GRIN2A: variants seen among roughly 807,000 people sequenced by gnomAD.
GRIN2A encodes the protein glutamate ionotropic receptor NMDA type subunit 2A, also known as glutamate receptor ionotropic, NMDA 2A.
Under a neutral mutation model 113.4 loss-of-function variants are expected in GRIN2A, and 22 were observed. The ratio of observed to expected loss-of-function variants is 0.19; its 90% confidence interval spans 0.14 to 0.28. The LOEUF (loss-of-function observed/expected upper bound fraction) is 0.28. Among genes scored for constraint, GRIN2A ranks in the 10% least tolerant of loss-of-function variants. The pLI is 1.00. For synonymous variants in GRIN2A, 827 were observed against 738.4 expected (o/e 1.12, Z -1.94); for missense variants, 1,502 against 1,887.0 (o/e 0.80, Z 3.78).
At chr16:10,023,475 C>A (rs2046762294) in intron 2 of GRIN2A, among the ~76,000 whole-genome samples, 1 of 152,114 alleles carries the variant, frequency 6.6e-6, no homozygotes, top group Non-Finnish European at 1.5e-5. Flanking sequence ...AGTAACCTGG[C>A]ACAAATCTTA....
intron 10 of GRIN2A, among the ~76,000 whole-genome samples, chr16:9,804,893 A>T (rs2041935055): frequency 6.6e-6 from 1 of 152,224 alleles, no homozygotes; most frequent in Non-Finnish European, 1.5e-5. Context: ...AGAGGGGGAA[A>T]TAAGACCTCC....
intron 11 of GRIN2A, among the ~76,000 whole-genome samples, chr16:9,782,648 G>A (rs1902002512): frequency 6.6e-6 from 1 of 152,188 alleles, no homozygotes; most frequent in East Asian, 1.9e-4. Flanking sequence ...TGTCAGGCAT[G>A]GGCCTGGCAT....
chr16:10,138,625 A>G (rs2049253838), intron 2 of GRIN2A, among the ~76,000 whole-genome samples: 1 of 152,070 alleles, frequency 6.6e-6, no homozygotes, highest in African/African-American at 2.4e-5. Flanking sequence ...TTGGGTGGGG[A>G]CGCAGAGCCA....
chr16:10,020,132 G>C (rs1249660094), intron 2 of GRIN2A, among the ~76,000 whole-genome samples: 2 of 152,128 alleles, frequency 1.3e-5, no homozygotes, highest in African/African-American at 4.8e-5. Context: ...TGAAAAGATG[G>C]GCCAGGTGCA....
chr16:10,043,173 AG>A (rs767615891), intron 2 of GRIN2A, among the ~76,000 whole-genome samples: 1 of 152,188 alleles, frequency 6.6e-6, no homozygotes, highest in Non-Finnish European at 1.5e-5. Context: ...TAATCTCTCT[AG>A]TATCCTACAA....
At chr16:10,021,209 C>T (rs2046714389) in intron 2 of GRIN2A, among the ~76,000 whole-genome samples, 1 of 152,194 alleles carries the variant, frequency 6.6e-6, no homozygotes, top group Admixed American at 6.5e-5. Flanking sequence ...AGCTCTAAGG[C>T]AGCCATGAGA....
chr16:9,849,701 C>G, intron 5 of GRIN2A, 55 bp downstream of exon 5: 1 of 1,236,298 alleles, frequency 8.1e-7, no homozygotes, highest in Non-Finnish European at 1.2e-6. Context: ...TATCGATGAT[C>G]CATGCTATTT....
intron 11 of GRIN2A, among the ~76,000 whole-genome samples, chr16:9,777,250 G>T (rs1253563100): frequency 5.3e-5 from 8 of 152,016 alleles, no homozygotes; most frequent in African/African-American, 7.2e-5. Flanking sequence ...CAAAACAAAG[G>T]CCCAATAAAT....
At chr16:10,153,795 G>A (rs2049632939) in intron 2 of GRIN2A, among the ~76,000 whole-genome samples, 1 of 152,182 alleles carries the variant, frequency 6.6e-6, no homozygotes, top group Non-Finnish European at 1.5e-5. Context: ...GAGACGGAAA[G>A]ATCTCCTTAA....
In GRIN2A at chr16:9,982,758, T is replaced by G. The variant is rs114849666; in HGVS notation, c.415-44207A>C. ...TCTGAGTCCCTTTGACCTGTAGTCT[T>G]TGGTAACTGCTTTGCTCATTGCAGT... On this transcript the variant is annotated intron_variant, in intron 2 of 12. Coordinates refer to ENST00000330684, the MANE Select transcript of GRIN2A (RefSeq NM_001134407.3). Among the ~76,000 whole-genome samples the G allele has an allele frequency of 3.7e-3, 562 of 152,334 alleles. 7 individuals are homozygous for G. The highest frequency in any genetic ancestry group is 0.013 in the African/African-American group (521 of 41,572).
At chr16:9,905,599 C>T (rs1337470778) in intron 3 of GRIN2A, among the ~76,000 whole-genome samples, 1 of 152,198 alleles carries the variant, frequency 6.6e-6, no homozygotes. Flanking sequence ...AAAACCTAGG[C>T]TTCCTTCTAT....
In GRIN2A at chr16:9,762,072, A is replaced by G. The variant is rs1172698776; in HGVS notation, c.*1077T>C. The stretch of plus-strand genomic sequence containing the variant: ...TGCTAGCCTTCGGCAGACAGATGGC[A>G]TTGTACTTCTTACAGATCACAGTAC... On this transcript the variant is annotated 3_prime_UTR_variant, in exon 13 of 13. Transcript: ENST00000330684. The G allele has an allele frequency of 4.9e-6, 1 of 204,594 alleles. No individual in the cohort carries two copies. Among genetic ancestry groups the G allele is most frequent in the African/African-American group, 2.3e-5 (1 of 43,732 alleles). 12.7% of individuals were successfully genotyped at this position (204,594 alleles called of 1,614,324 possible). A position where few individuals can be genotyped will look rare whatever the true frequency, so the allele number is the denominator to read the frequency against.
intron 2 of GRIN2A, among the ~76,000 whole-genome samples, chr16:10,152,052 A>G (rs2049590831): frequency 6.6e-6 from 1 of 152,184 alleles, no homozygotes; most frequent in Non-Finnish European, 1.5e-5. Context: ...GTGTGCCTGA[A>G]GGAGCCCATC....
At chr16:9,887,147 A>C (rs148070484) in intron 4 of GRIN2A, among the ~76,000 whole-genome samples, 199 of 152,278 alleles carry the variant, frequency 1.3e-3, no homozygotes, top group African/African-American at 4.6e-3. Flanking sequence ...TTGGCCTCCC[A>C]AAGTGCTAGG....
intron 4 of GRIN2A, among the ~76,000 whole-genome samples, chr16:9,886,832 G>T (rs2043595350): frequency 6.6e-6 from 1 of 152,140 alleles, no homozygotes; most frequent in Non-Finnish European, 1.5e-5. Context: ...AAATATGAAA[G>T]CTCAGTGAAA....
At chr16:9,949,930 G>T (rs907699880) in intron 2 of GRIN2A, among the ~76,000 whole-genome samples, 17 of 152,144 alleles carry the variant, frequency 1.1e-4, no homozygotes, top group Admixed American at 8.5e-4. Context: ...TGAACAGGGG[G>T]TGTGAAATGA....
chr16:10,152,246 A>G (rs1479980783), intron 2 of GRIN2A, among the ~76,000 whole-genome samples: 1 of 152,222 alleles, frequency 6.6e-6, no homozygotes, highest in Non-Finnish European at 1.5e-5. Flanking sequence ...AAAGTTAGGA[A>G]GAGTCAGGGT....
chr16:10,139,272 G>A (rs534948150), intron 2 of GRIN2A, among the ~76,000 whole-genome samples: 1 of 152,264 alleles, frequency 6.6e-6, no homozygotes, highest in Non-Finnish European at 1.5e-5. Context: ...AGTGATGGGA[G>A]GTCAGGGTGA....
At chr16:9,814,761 TG>T (rs924813283) in intron 10 of GRIN2A, among the ~76,000 whole-genome samples, 6 of 152,198 alleles carry the variant, frequency 3.9e-5, no homozygotes, top group African/African-American at 1.4e-4. Flanking sequence ...GGCTCAGGCC[TG>T]TAGTCCCAGC....
Sources: allele counts gnomAD v4.1 joint callset (sites outside exome capture counted in the v4.1 genomes callset), GRCh38; gene constraint gnomAD v4.1.1; transcripts MANE v1.5; gene names NCBI Gene and HGNC (gene_info 2026-07-23, HGNC 2026-07-21).